ZNF469: variants seen among roughly 807,000 people sequenced by gnomAD.
ZNF469 encodes zinc finger protein 469.
Under a neutral mutation model 1.0 loss-of-function variants are expected in ZNF469, and 1 was observed. That is an observed-to-expected ratio of 1.00 (90% confidence interval 0.35 to 4.73). The LOEUF (loss-of-function observed/expected upper bound fraction) is 4.73, where lower values mean the gene tolerates loss of function less well. Among genes scored for constraint, ZNF469 ranks in the 30% most tolerant of loss-of-function variants. The pLI is 0.16. For synonymous variants in ZNF469, 2,703 were observed against 2,363.4 expected (o/e 1.14, Z -4.17); for missense variants, 6,100 against 5,356.3 (o/e 1.14, Z -4.33).
chr16:88,333,286 C>T, the ZNF469 span, among the ~76,000 whole-genome samples: 5 of 151,134 alleles, frequency 3.3e-5, no homozygotes, highest in Admixed American at 1.3e-4. Flanking sequence ...TGCTGAGTCA[C>T]GGAAGAGGGG....
the ZNF469 span, among the ~76,000 whole-genome samples, chr16:88,260,796 C>G: frequency 2.0e-5 from 3 of 152,162 alleles, no homozygotes; most frequent in African/African-American, 7.2e-5. This position sits in a 1 kb window ranked among gnomAD's most constrained non-coding sequence, Gnocchi z 4.1. Flanking sequence ...TGTGATTGAA[C>G]TGAGGATCTT....
the ZNF469 span, among the ~76,000 whole-genome samples, chr16:88,290,388 C>T: frequency 1.6e-4 from 24 of 152,178 alleles, no homozygotes; most frequent in Non-Finnish European, 3.1e-4. Context: ...GGGAGCCTTT[C>T]GAAAGTCTGT....
At chr16:88,159,945 C>T in the ZNF469 span, among the ~76,000 whole-genome samples, 1 of 152,192 alleles carries the variant, frequency 6.6e-6, no homozygotes, top group Non-Finnish European at 1.5e-5. Flanking sequence ...AACTGGCAGC[C>T]TGTCTGATGG....
At chr16:88,390,613 G>A (rs887767029) in intron 1 of ZNF469, among the ~76,000 whole-genome samples, 2 of 152,236 alleles carry the variant, frequency 1.3e-5, no homozygotes, top group Admixed American at 1.3e-4. Context: ...AAAACAGGAA[G>A]CAGGGACGGC....
the ZNF469 span, among the ~76,000 whole-genome samples, chr16:88,155,442 A>G: frequency 6.6e-6 from 1 of 152,186 alleles, no homozygotes; most frequent in Non-Finnish European, 1.5e-5. Flanking sequence ...CCAAAAGGAA[A>G]CTGTCCCCAC....
At chr16:88,370,742 C>T in the ZNF469 span, among the ~76,000 whole-genome samples, 2 of 152,144 alleles carry the variant, frequency 1.3e-5, no homozygotes, top group African/African-American at 4.8e-5. Context: ...AGTCTGAGGC[C>T]GAGCTGTGGG....
the ZNF469 span, among the ~76,000 whole-genome samples, chr16:88,204,897 C>T: frequency 2.0e-5 from 3 of 152,310 alleles, no homozygotes; most frequent in South Asian, 2.1e-4. Flanking sequence ...TGGGTGCTAG[C>T]GACCGGCCTC....
chr16:88,248,670 A>G, the ZNF469 span, among the ~76,000 whole-genome samples: 2 of 152,362 alleles, frequency 1.3e-5, no homozygotes, highest in African/African-American at 4.8e-5. Flanking sequence ...TAACATGTTT[A>G]TGAACTCAGC....
the ZNF469 span, among the ~76,000 whole-genome samples, chr16:88,360,689 C>T: frequency 6.4e-4 from 89 of 139,998 alleles, 2 homozygotes; most frequent in African/African-American, 2.4e-3. Flanking sequence ...AGACAGCGCC[C>T]GCGTGCTCCC....
At chr16:88,265,640 C>T in the ZNF469 span, among the ~76,000 whole-genome samples, 5 of 152,222 alleles carry the variant, frequency 3.3e-5, no homozygotes, top group African/African-American at 1.2e-4. Context: ...CTCAGCTCCC[C>T]TCAGCCTCAA....
chr16:88,380,520 C>T (rs1399752413), upstream of ZNF469, among the ~76,000 whole-genome samples: 6 of 115,366 alleles, frequency 5.2e-5, no homozygotes, highest in Non-Finnish European at 9.0e-5. Context: ...CATGCACACA[C>T]ACGCACTAAC....
At chr16:88,374,782 G>A in the ZNF469 span, among the ~76,000 whole-genome samples, 1 of 144,832 alleles carries the variant, frequency 6.9e-6, no homozygotes. Flanking sequence ...ATGCCAAGTG[G>A]GCTGAGATCG....
At chr16:88,396,066 G>A (rs1011698862) in intron 1 of ZNF469, among the ~76,000 whole-genome samples, 2 of 152,222 alleles carry the variant, frequency 1.3e-5, no homozygotes, top group African/African-American at 2.4e-5. Flanking sequence ...TCCACTCCAC[G>A]TCCCTTCTCC....
At chr16:88,342,403 T>C in the ZNF469 span, among the ~76,000 whole-genome samples, 1 of 152,100 alleles carries the variant, frequency 6.6e-6, no homozygotes, top group African/African-American at 2.4e-5. Context: ...GCCCCGCTCA[T>C]GGCCGAACCT....
At chr16:88,111,051 C>G in the ZNF469 span, among the ~76,000 whole-genome samples, 1 of 152,234 alleles carries the variant, frequency 6.6e-6, no homozygotes, top group South Asian at 2.1e-4. Context: ...AGGCCCCTTG[C>G]TTTTCTTCAG....
At chr16:88,162,421 G>C in the ZNF469 span, among the ~76,000 whole-genome samples, 1 of 147,690 alleles carries the variant, frequency 6.8e-6, no homozygotes, top group Non-Finnish European at 1.5e-5. Flanking sequence ...AATGCTTGAA[G>C]ACTGAAATGA....
At chr16:88,367,862 C>T in the ZNF469 span, among the ~76,000 whole-genome samples, 1 of 152,232 alleles carries the variant, frequency 6.6e-6, no homozygotes, top group South Asian at 2.1e-4. Context: ...CAAAAACATC[C>T]CTCTCCAAAG....
the ZNF469 span, among the ~76,000 whole-genome samples, chr16:88,247,232 G>T: frequency 4.2e-4 from 37 of 87,270 alleles, no homozygotes; most frequent in East Asian, 9.8e-3. Context: ...GTGAATGAGG[G>T]AGTGAATGGT....
At chr16:88,278,405 G>A in the ZNF469 span, among the ~76,000 whole-genome samples, 3 of 74,610 alleles carry the variant, frequency 4.0e-5, no homozygotes, top group East Asian at 7.0e-4. Context: ...CCTGACACTC[G>A]GTCAGTACCT....
Sources: gnomAD v4.1 joint callset for allele counts (sites outside exome capture counted in the v4.1 genomes callset) on GRCh38, gnomAD v4.1.1 for gene constraint, Gnocchi (gnomAD v3.1) non-coding constraint, MANE v1.5 for transcripts, NCBI Gene and HGNC (gene_info 2026-07-23, HGNC 2026-07-21) for gene names.